Variants in NCOA1 observed in about 807,000 individuals in gnomAD.
The protein encoded by NCOA1 is nuclear receptor coactivator 1, also known as Hin-2 protein.
In NCOA1, 35 loss-of-function variants were observed where a neutral mutation model predicts 150.9. The observed-to-expected ratio is 0.23, with a 90% CI of 0.18 to 0.31. NCOA1 has a LOEUF of 0.31. Ranked by LOEUF, NCOA1 falls within the 10% of genes least tolerant of loss-of-function variation. The pLI, the probability that NCOA1 is intolerant of heterozygous loss-of-function variation, is 1.00. For synonymous variants in NCOA1, 590 were observed against 630.0 expected (o/e 0.94, Z 0.95); for missense variants, 1,491 against 1,749.3 (o/e 0.85, Z 2.63).
intron 3 of NCOA1, among the ~76,000 whole-genome samples, chr2:24,587,135 G>A (rs55740737): frequency 2.6e-5 from 4 of 151,276 alleles, no homozygotes; most frequent in East Asian, 3.9e-4. Flanking sequence ...AACTCCCCTC[G>A]TACTGCTCCA....
At chr2:24,616,817 T>C (rs565544131) in intron 3 of NCOA1, among the ~76,000 whole-genome samples, 1 of 152,256 alleles carries the variant, frequency 6.6e-6, no homozygotes, top group Non-Finnish European at 1.5e-5. Context: ...AAACAGTTGT[T>C]AGGGGACTTA....
At chr2:24,536,793 A>G (rs1245735434) in intron 1 of NCOA1, among the ~76,000 whole-genome samples, 1 of 152,192 alleles carries the variant, frequency 6.6e-6, no homozygotes, top group Non-Finnish European at 1.5e-5. Context: ...GCTGCAGAAC[A>G]GCAGATACTG....
intron 1 of NCOA1, among the ~76,000 whole-genome samples, chr2:24,538,903 G>T (rs1012071884): frequency 6.6e-6 from 1 of 152,200 alleles, no homozygotes; most frequent in Non-Finnish European, 1.5e-5. Context: ...ACATGACAGC[G>T]TAGTGATACA....
At chr2:24,549,004 G>A (rs964267731) in intron 1 of NCOA1, among the ~76,000 whole-genome samples, 2 of 152,122 alleles carry the variant, frequency 1.3e-5, no homozygotes, top group Admixed American at 1.3e-4. Flanking sequence ...GCCCCAGTAG[G>A]GACTGTGTGT....
intron 8 of NCOA1, 51 bp from the exon 9 acceptor site, chr2:24,691,430 T>C: frequency 6.5e-7 from 1 of 1,537,966 alleles, no homozygotes; most frequent in Non-Finnish European, 8.9e-7. Flanking sequence ...TCTTCAGAGT[T>C]TGTGCTTTTT....
chr2:24,648,394 T>C (rs1670568831), intron 4 of NCOA1, among the ~76,000 whole-genome samples: 1 of 152,114 alleles, frequency 6.6e-6, no homozygotes, highest in Non-Finnish European at 1.5e-5. Context: ...TTCCTCAGCC[T>C]TCCAAGTAGC....
intron 3 of NCOA1, among the ~76,000 whole-genome samples, chr2:24,601,342 A>G (rs976396822): frequency 6.6e-6 from 1 of 152,028 alleles, no homozygotes; most frequent in African/African-American, 2.4e-5. Flanking sequence ...CTTTCCAAAT[A>G]GCTGGCACTA....
intron 22 of NCOA1, 79 bp downstream of exon 22, chr2:24,762,855 G>T (rs180988917): frequency 4.2e-5 from 55 of 1,302,472 alleles, no homozygotes; most frequent in Admixed American, 1.6e-4. Flanking sequence ...ATCATTAAGA[G>T]CCTGACCTTG....
chr2:24,512,979 C>G (rs1359217801), intron 1 of NCOA1, among the ~76,000 whole-genome samples: 2 of 152,112 alleles, frequency 1.3e-5, no homozygotes, highest in Non-Finnish European at 2.9e-5. Flanking sequence ...GCATATGGCT[C>G]TACCACACAC....
At chr2:24,624,828 C>T (rs1408048543) in intron 3 of NCOA1, among the ~76,000 whole-genome samples, 1 of 152,044 alleles carries the variant, frequency 6.6e-6, no homozygotes, top group Non-Finnish European at 1.5e-5. Flanking sequence ...GGGGTGGATG[C>T]ATGAATTGAC....
chr2:24,521,038 C>T (rs772041883), intron 1 of NCOA1, among the ~76,000 whole-genome samples: 1 of 152,002 alleles, frequency 6.6e-6, no homozygotes, highest in Non-Finnish European at 1.5e-5. Context: ...TCATAACGCT[C>T]TCAACTCCTT....
intron 12 of NCOA1, among the ~76,000 whole-genome samples, chr2:24,706,168 G>A (rs1357178463): frequency 3.3e-5 from 5 of 152,024 alleles, no homozygotes; most frequent in Non-Finnish European, 7.4e-5. Context: ...ATAAACAGAG[G>A]TGTGAGAAGT....
intron 8 of NCOA1, among the ~76,000 whole-genome samples, chr2:24,684,143 TAA>T (rs1287048032): frequency 1.2e-4 from 18 of 152,202 alleles, no homozygotes; most frequent in Admixed American, 1.2e-3. Flanking sequence ...AGGTAATACT[TAA>T]TTAAGATTTC....
intron 8 of NCOA1, among the ~76,000 whole-genome samples, chr2:24,687,101 C>T (rs768504666): frequency 6.6e-6 from 1 of 152,016 alleles, no homozygotes; most frequent in Non-Finnish European, 1.5e-5. Context: ...AATTCCTAAC[C>T]GTAATTCCTA....
rs1290031263 is a variant in NCOA1, at chr2:24,769,976, G to C, written c.*1585G>C. 2 of 226,952 alleles carry C rather than the reference G, an allele frequency of 8.8e-6. No individual in the cohort carries two copies. The highest frequency in any genetic ancestry group is 1.8e-5 in the Non-Finnish European group (2 of 113,870). 14.1% of individuals were successfully genotyped at this position (226,952 alleles called of 1,614,324 possible). A position where few individuals can be genotyped will look rare whatever the true frequency, so the allele number is the denominator to read the frequency against. On this transcript the variant is annotated 3_prime_UTR_variant, in exon 23 of 23. Transcript: ENST00000348332. ...GAGGAGCATGGACTCAGACTTCAAGGAAGAAGCCATTTCCCCAGGTCCTTC... is the reference window on the plus strand; with the variant it reads ...GAGGAGCATGGACTCAGACTTCAAGCAAGAAGCCATTTCCCCAGGTCCTTC...
intron 3 of NCOA1, among the ~76,000 whole-genome samples, chr2:24,607,699 A>G (rs1286222062): frequency 1.3e-5 from 2 of 152,120 alleles, no homozygotes; most frequent in Non-Finnish European, 2.9e-5. Context: ...TAAAAAAAAA[A>G]AAAGTGAGAT....
intron 17 of NCOA1, among the ~76,000 whole-genome samples, chr2:24,733,331 G>A (rs1200060902): frequency 1.3e-5 from 2 of 151,150 alleles, no homozygotes; most frequent in Non-Finnish European, 2.9e-5. Context: ...TGTCAGTGTA[G>A]ACAAAAAAAA....
At chr2:24,717,684 C>T (rs758724806) in intron 14 of NCOA1, among the ~76,000 whole-genome samples, 6 of 152,076 alleles carry the variant, frequency 3.9e-5, no homozygotes, top group Non-Finnish European at 7.4e-5. Context: ...ATATCAAAAT[C>T]CACAGAATGT....
intron 3 of NCOA1, among the ~76,000 whole-genome samples, chr2:24,616,596 A>T (rs976785876): frequency 6.6e-6 from 1 of 152,204 alleles, no homozygotes; most frequent in African/African-American, 2.4e-5. Context: ...CCCCCAAAAC[A>T]GAGGCAGCAG....
Sources: gnomAD v4.1 joint callset for allele counts (sites outside exome capture counted in the v4.1 genomes callset) on GRCh38, gnomAD v4.1.1 for gene constraint, MANE v1.5 for transcripts, NCBI Gene and HGNC (gene_info 2026-07-23, HGNC 2026-07-21) for gene names.